The following GAK variants were observed in gnomAD, a reference collection of about 807,000 sequenced individuals.
GAK encodes cyclin G associated kinase.
In GAK, 79 loss-of-function variants were observed where a neutral mutation model predicts 143.9. The observed-to-expected ratio is 0.55, with a 90% CI of 0.46 to 0.66. The LOEUF (loss-of-function observed/expected upper bound fraction) is 0.66, where lower values mean the gene tolerates loss of function less well. GAK is among the 30% of genes least tolerant of loss of function. The pLI is 0.00. For missense variants in GAK, 1,693 were observed against 1,779.7 expected (o/e 0.95, Z 0.88); for synonymous variants, 881 against 765.5 (o/e 1.15, Z -2.49).
intron 12 of GAK, 103 bp downstream of exon 12, chr4:883,934 A>T (rs1715696647): frequency 8.7e-7 from 1 of 1,151,310 alleles, no homozygotes; most frequent in African/African-American, 1.5e-5. Context: ...GGCCACAGAG[A>T]AGGCTGGAGC....
chr4:889,657 G>A (rs2152843205), intron 10 of GAK, among the ~76,000 whole-genome samples: 1 of 152,326 alleles, frequency 6.6e-6, no homozygotes, highest in South Asian at 2.1e-4. Flanking sequence ...CTCCTCCCTG[G>A]GAAGCGGAGG....
rs140672161 is a variant in GAK, at chr4:866,382, C to T, written c.3025G>A (p.Ala1009Thr). 3.7e-5 allele frequency: 60 copies of T among 1,613,986 alleles called. No individual in the cohort carries two copies. The East Asian group carries it at 8.0e-4, about 22-fold the overall frequency. The change falls in exon 22 of 28, where the codon GCC (alanine) becomes ACC (threonine). Residue 1009 changes from alanine to threonine, a missense_variant. By Grantham distance (58) the Ala-to-Thr change is moderately conservative (BLOSUM62 0). Coordinates refer to ENST00000314167, the MANE Select transcript of GAK (RefSeq NM_005255.4). ...CACTTACCCAGGTGCAGGAAGTCGG[C>T]GCTGCAGGATGGGGGCGGAGCACTG... ...AHSAPPPSCS[A>T]DFLHLGDLPG...
chr4:858,716 G>A (rs1426523026), intron 24 of GAK, among the ~76,000 whole-genome samples: 4 of 152,220 alleles, frequency 2.6e-5, no homozygotes, highest in Admixed American at 1.3e-4. Flanking sequence ...AGAGCAGAGT[G>A]AGGACTCAAA....
intron 4 of GAK, among the ~76,000 whole-genome samples, chr4:909,508 G>A (rs780372051): frequency 9.9e-5 from 15 of 152,144 alleles, no homozygotes; most frequent in African/African-American, 2.7e-4. Flanking sequence ...ATGGACGCAC[G>A]GGAGGGGCCG....
chr4:866,521 G>T lies in GAK; in HGVS notation c.2886C>A (p.Gly962=). Reference sequence around the variant, plus strand: ...TGTTGCCTGAAGACGGCAGAAGCGGGCCAAAGGGGTCAGCTGTGGGGACAG... The same window carrying T: ...TGTTGCCTGAAGACGGCAGAAGCGGTCCAAAGGGGTCAGCTGTGGGGACAG... ...GGPPAAADPF[G]PLLPSSGNNS... is the part of the protein sequence containing the mutation. The change falls in exon 22 of 28, where the codon GGC becomes GGA. Residue 962 remains glycine (G), a synonymous_variant. Transcript: ENST00000314167. 6.2e-7 allele frequency: 1 copy of T among 1,613,630 alleles called. No individual in the cohort carries two copies. The highest frequency in any genetic ancestry group is 1.1e-5 in the South Asian group (1 of 91,034).
At chr4:905,435 C>A (rs773433694) in intron 4 of GAK, among the ~76,000 whole-genome samples, 1 of 151,996 alleles carries the variant, frequency 6.6e-6, no homozygotes, top group Non-Finnish European at 1.5e-5. Context: ...ACAGACTCTG[C>A]CACGCCGCGC....
intron 5 of GAK, among the ~76,000 whole-genome samples, chr4:901,726 C>T (rs1054959491): frequency 2.0e-5 from 3 of 152,256 alleles, no homozygotes; most frequent in African/African-American, 7.2e-5. Context: ...GGGCTGGGGC[C>T]TCACTGGCCT....
At chr4:870,938 C>G (rs780334084) in intron 18 of GAK, 34 bp from the exon 19 acceptor site, 2 of 1,562,812 alleles carry the variant, frequency 1.3e-6, no homozygotes, top group Non-Finnish European at 1.7e-6. Flanking sequence ...TTAGGAAGGC[C>G]ACCCAAGTAG....
rs377045405 is a variant in GAK at position 904,290 on chromosome 4, G to A, written c.525+347C>T. On this transcript the variant is annotated intron_variant, in intron 5 of 27. Coordinates refer to ENST00000314167, the MANE Select transcript of GAK (RefSeq NM_005255.4). ...CGCACACAGAGGCCTTGGCAGCCGCGTGTGGAGGGAGCCACGACCTTGTGG... is the reference window on the plus strand; with the variant it reads ...CGCACACAGAGGCCTTGGCAGCCGCATGTGGAGGGAGCCACGACCTTGTGG... Among the ~76,000 whole-genome samples the A allele has an allele frequency of 2.3e-4, 20 of 88,012 alleles. No homozygotes were observed. The South Asian group carries it at 8.2e-3, about 36-fold the overall frequency. The allele number at this position is 88,012 out of a possible 152,430, so 57.7% of individuals were successfully genotyped here.
chr4:875,292 G>C (rs903274282), intron 18 of GAK, among the ~76,000 whole-genome samples: 1 of 152,180 alleles, frequency 6.6e-6, no homozygotes, highest in African/African-American at 2.4e-5. Context: ...TATTAAAGTT[G>C]CGAATATGTG....
At chr4:920,354 T>C (rs1723715773) in intron 1 of GAK, among the ~76,000 whole-genome samples, 1 of 150,550 alleles carries the variant, frequency 6.6e-6, no homozygotes, top group Non-Finnish European at 1.5e-5. Context: ...ACAGCATCAC[T>C]GATGTGACTT....
At position 850,788 on chromosome 4, in the gene GAK, G is replaced by A. The variant is rs1200140895; in HGVS notation, c.3657+148C>T. The A allele has an allele frequency of 1.2e-5, 10 of 847,036 alleles. No individual in the cohort carries two copies. In the East Asian group the frequency reaches 1.4e-4, roughly 12 times the overall value. The allele number at this position is 847,036 out of a possible 1,614,324, so 52.5% of individuals were successfully genotyped here. On this transcript the variant is annotated intron_variant, in intron 26 of 27. Transcript: ENST00000314167. The stretch of plus-strand genomic sequence containing the variant: ...CATCGGCAGTGACAGGTCCCTGTCT[G>A]GAGACGCCGGCTCCATGTGGTACAG...
rs1436589263 is a variant in GAK, at chr4:894,084, G to A, written c.742-75C>T. ...GACGCCTGGGCCTGCGGGGAGAGCA[G>A]GGGTGATGCCCAGGCCCACGGGGAA... On this transcript the variant is annotated intron_variant, in intron 7 of 27. Transcript: ENST00000314167. The A allele has an allele frequency of 6.2e-6, 9 of 1,446,442 alleles. No individual in the cohort carries two copies. The Admixed American group carries it at 2.3e-4, about 37-fold the overall frequency. 89.6% of individuals were successfully genotyped at this position (1,446,442 alleles called of 1,614,324 possible). A position where few individuals can be genotyped will look rare whatever the true frequency, so the allele number is the denominator to read the frequency against.
chr4:891,272 T>C (rs1235694181), intron 9 of GAK, among the ~76,000 whole-genome samples: 1 of 151,322 alleles, frequency 6.6e-6, no homozygotes, highest in Non-Finnish European at 1.5e-5. Context: ...TTTTTTCTTT[T>C]TTTTTTTTTT....
rs1174307419 is a variant in GAK, at chr4:883,479, C to A, written c.1256-16G>T. The stretch of plus-strand genomic sequence containing the variant: ...AATGACATCACTGAAACAAGCAGAC[C>A]TGCGTCAGCACCTGGGAGATGCGCA... On this transcript the variant is annotated splice_polypyrimidine_tract_variant and intron_variant, in intron 12 of 27. Coordinates refer to ENST00000314167, the MANE Select transcript of GAK (RefSeq NM_005255.4). 1.2e-6 allele frequency: 2 copies of A among 1,612,654 alleles called. No individual in the cohort carries two copies. Among genetic ancestry groups the A allele is most frequent in the Admixed American group, 3.3e-5 (2 of 60,006 alleles).
At chr4:887,282 T>TA (rs1467271619) in intron 11 of GAK, 1 of 145,672 alleles carries the variant, frequency 6.9e-6, no homozygotes, top group Non-Finnish European at 1.5e-5. Flanking sequence ...CGTGTACACA[T>TA]GCACGCGGCT....
chr4:901,742 T>A (rs1266783911), intron 5 of GAK, among the ~76,000 whole-genome samples: 2 of 152,184 alleles, frequency 1.3e-5, no homozygotes, highest in African/African-American at 4.8e-5. Context: ...GGCCTCCTCG[T>A]CCCCTTGGCC....
At chr4:862,456 C>T (rs557340976) in intron 23 of GAK, among the ~76,000 whole-genome samples, 72 of 152,200 alleles carry the variant, frequency 4.7e-4, no homozygotes, top group African/African-American at 1.7e-3. Flanking sequence ...GTCAGGAGAT[C>T]GAGACCATCC....
chr4:866,380 G>T lies in GAK; in HGVS notation c.3027C>A (p.Ala1009=), dbSNP rs146838470. The change falls in exon 22 of 28, where the codon GCC becomes GCA. Residue 1009 remains alanine, a synonymous_variant. Coordinates refer to ENST00000314167, the MANE Select transcript of GAK (RefSeq NM_005255.4). ...GGCACTTACCCAGGTGCAGGAAGTC[G>T]GCGCTGCAGGATGGGGGCGGAGCAC... The part of the protein sequence containing the change: ...AHSAPPPSCS[A]DFLHLGDLPG... 5.0e-6 allele frequency: 8 copies of T among 1,614,008 alleles called. No homozygotes were observed. The highest frequency in any genetic ancestry group is 6.8e-6 in the Non-Finnish European group (8 of 1,179,946).
Sources: allele counts gnomAD v4.1 joint callset (sites outside exome capture counted in the v4.1 genomes callset), GRCh38; gene constraint gnomAD v4.1.1; transcripts MANE v1.5; gene names NCBI Gene and HGNC (gene_info 2026-07-23, HGNC 2026-07-21).